The following DEPDC7 variants were observed in gnomAD, a reference collection of about 807,000 sequenced individuals.
DEPDC7 encodes DEP domain containing 7, also known as DEP domain-containing protein 7.
In DEPDC7, 41 loss-of-function variants were observed where a neutral mutation model predicts 56.6. The observed-to-expected ratio is 0.72, with a 90% CI of 0.56 to 0.94. DEPDC7 has a LOEUF of 0.94. Among genes scored for constraint, DEPDC7 ranks in the 40% least tolerant of loss-of-function variants. The pLI is 0.00. For missense variants in DEPDC7, 522 were observed against 596.3 expected, an observed-to-expected ratio of 0.88 and a Z score of 1.30; for synonymous variants, 185 against 208.8, an observed-to-expected ratio of 0.89 and a Z score of 0.98.
Position 33,033,372 on chromosome 11 carries a change from C to CT in DEPDC7, c.1456dup (p.Ser486PhefsTer14). ...AAAAACTCTTGATGAGGATTCAAAA[C>CT]TTTCTGCCAAAGAGAAGAAAAAATT... On this transcript the variant is annotated frameshift_variant, in exon 9 of 9. Transcript: ENST00000241051. LOFTEE classifies it high-confidence loss of function. 6.2e-7 allele frequency: 1 copy of CT among 1,611,634 alleles called. No individual in the cohort carries two copies.
intron 1 of DEPDC7, chr11:33,016,503 A>G: frequency 1.2e-6 from 2 of 1,613,542 alleles, no homozygotes; most frequent in Non-Finnish European, 1.7e-6. Flanking sequence ...CTAGGAGTCA[A>G]GAGTCAGCTT....
At chr11:33,029,489 CAAAAA>C (rs10610753) in intron 4 of DEPDC7, among the ~76,000 whole-genome samples, 3 of 93,226 alleles carry the variant, frequency 3.2e-5, no homozygotes, top group Non-Finnish European at 4.3e-5. Context: ...GAGAATGTCT[CAAAAA>C]AAAAAAAAAA....
chr11:33,033,179 AAAGAC>A, intron 8 of DEPDC7, 78 bp from the exon 9 acceptor site: 1 of 1,152,338 alleles, frequency 8.7e-7, no homozygotes, highest in East Asian at 2.5e-5. Flanking sequence ...AGAAAAACAT[AAAGAC>A]AAGAATATTG....
intron 1 of DEPDC7, among the ~76,000 whole-genome samples, chr11:33,023,041 C>T (rs569190018): frequency 2.6e-5 from 4 of 151,920 alleles, no homozygotes; most frequent in South Asian, 2.1e-4. Flanking sequence ...CTGGCTAACA[C>T]GATGAAACCC....
intron 1 of DEPDC7, chr11:33,016,705 C>T: frequency 1.1e-6 from 1 of 896,614 alleles, no homozygotes; most frequent in South Asian, 1.5e-5. Flanking sequence ...CTAATCGTGT[C>T]TTTTGGGGGC....
chr11:33,025,216 C>T lies in DEPDC7; in HGVS notation c.74-443C>T, dbSNP rs183404785. ...ACACTCCCACCTCAGGGCATTTGCTCTTTCCCCAGATGTCTGCACAGCTTG... is the reference window on the plus strand; with the variant it reads ...ACACTCCCACCTCAGGGCATTTGCTTTTTCCCCAGATGTCTGCACAGCTTG... On this transcript the variant is annotated intron_variant, in intron 1 of 8. Transcript: ENST00000241051. Among the ~76,000 whole-genome samples the T allele has an allele frequency of 2.0e-4, 30 of 152,288 alleles. No individual in the cohort carries two copies. The East Asian group carries it at 3.3e-3, about 17-fold the overall frequency.
intron 1 of DEPDC7, among the ~76,000 whole-genome samples, chr11:33,021,893 ATTCTT>A (rs974054313): frequency 4.6e-5 from 7 of 152,164 alleles, no homozygotes; most frequent in African/African-American, 1.4e-4. Flanking sequence ...GGGGAAATTT[ATTCTT>A]TACCTCTTAA....
chr11:33,022,540 A>G (rs377307852), intron 1 of DEPDC7, among the ~76,000 whole-genome samples: 3 of 152,360 alleles, frequency 2.0e-5, no homozygotes, highest in South Asian at 4.1e-4. Flanking sequence ...AGAGCCTGTC[A>G]TAGTGTAAAT....
chr11:33,017,839 A>G (rs1853480176), intron 1 of DEPDC7, among the ~76,000 whole-genome samples: 1 of 152,246 alleles, frequency 6.6e-6, no homozygotes, highest in Non-Finnish European at 1.5e-5. Context: ...GCCAGTCTTC[A>G]GCCAGTATGT....
In DEPDC7 at chr11:33,016,137, C is replaced by T. The variant is rs534644555; in HGVS notation, c.73+109C>T. On this transcript the variant is annotated intron_variant, in intron 1 of 8. Transcript: ENST00000241051. ...GGGGCGTTCGGCCGCCTGCGCCTGT[C>T]AACGGCCGGCTGGGCGAGCACAGCA... The T allele has an allele frequency of 1.5e-5, 19 of 1,236,504 alleles. No individual in the cohort carries two copies. In the East Asian group the frequency reaches 5.1e-4, roughly 33 times the overall value. The allele number at this position is 1,236,504 out of a possible 1,614,324, so 76.6% of individuals were successfully genotyped here. A position where few individuals can be genotyped will look rare whatever the true frequency, so the allele number is the denominator to read the frequency against.
chr11:33,032,035 G>A (rs1853638496), intron 5 of DEPDC7, among the ~76,000 whole-genome samples: 1 of 152,036 alleles, frequency 6.6e-6, no homozygotes, highest in Admixed American at 6.6e-5. Context: ...TTGTACACAT[G>A]GTATACTCCC....
chr11:33,020,859 G>C (rs980252633), intron 1 of DEPDC7, among the ~76,000 whole-genome samples: 2 of 152,206 alleles, frequency 1.3e-5, no homozygotes, highest in African/African-American at 2.4e-5. Context: ...TTTATCAGTA[G>C]ATAAAGAAAC....
chr11:33,015,926 G>A lies in DEPDC7; in HGVS notation c.-30G>A, dbSNP rs1205155403. On this transcript the variant is annotated 5_prime_UTR_variant, in exon 1 of 9. Coordinates refer to ENST00000241051, the MANE Select transcript of DEPDC7 (RefSeq NM_001077242.2). ...GGAGCTAGGGAGCTGTGAAGCTGCT[G>A]GAGGAGTTGGCGTCCGGGGAGCAAG... The A allele has an allele frequency of 6.4e-7, 1 of 1,557,850 alleles. No homozygotes were observed. Among genetic ancestry groups the A allele is most frequent in the African/African-American group, 1.4e-5 (1 of 72,762 alleles).
chr11:33,027,810 C>A lies in DEPDC7; in HGVS notation c.589C>A (p.Gln197Lys). ...AAATATCTCTGCAACCTTGTCTCCA[C>A]AAGGTAAGCTAAGGATGAAGCAAAG... ...HVNISATLSP[Q>K]VINEVWQEET... is the part of the protein sequence containing the mutation. Residue 197 changes from glutamine to lysine, a missense_variant, in exon 3 of 9, where the codon CAA becomes AAA. Transcript: ENST00000241051. 6.5e-7 allele frequency: 1 copy of A among 1,550,146 alleles called. No individual in the cohort carries two copies. The highest frequency in any genetic ancestry group is 8.7e-7 in the Non-Finnish European group (1 of 1,155,704).
rs201199439 is a variant in DEPDC7, at chr11:33,028,773, A to T, written c.763A>T (p.Lys255Ter). ...TAACTATCTGGATCGAGGGATTCTC[A>T]AGGCTTATAGTGACTCTCAGTATGT... ...SSNYLDRGIL[K>*]AYSDSQEDEW... The change falls in exon 4 of 9, where the codon AAG (lysine) becomes TAG (stop). Residue 255 changes from lysine to a stop codon, truncating the protein, a stop_gained. Coordinates refer to ENST00000241051, the MANE Select transcript of DEPDC7 (RefSeq NM_001077242.2). LOFTEE classifies it high-confidence loss of function. 59 of 1,611,244 alleles carry T rather than the reference A, an allele frequency of 3.7e-5. No individual in the cohort carries two copies. Among genetic ancestry groups the T allele is most frequent in the Non-Finnish European group, 4.9e-5 (58 of 1,179,236 alleles).
At position 33,025,696 on chromosome 11, in the gene DEPDC7, T is replaced by C; in HGVS notation, c.111T>C (p.Tyr37=). The part of the protein sequence containing the change: ...SVAQKPFGAT[Y]VWSSIINTLQ... ...CTCAGAAGCCATTTGGAGCCACGTA[T>C]GTATGGAGCAGCATCATAAACACTC... Residue 37 remains tyrosine (Y), a synonymous_variant, in exon 2 of 9, where the codon TAT becomes TAC. Transcript: ENST00000241051. 1.2e-6 allele frequency: 2 copies of C among 1,612,210 alleles called. No individual in the cohort carries two copies. The highest frequency in any genetic ancestry group is 1.7e-6 in the Non-Finnish European group (2 of 1,178,286).
In DEPDC7 at chr11:33,025,749, G is replaced by A. The variant is rs746938818; in HGVS notation, c.164G>A (p.Arg55Gln). The A allele has an allele frequency of 8.7e-6, 14 of 1,614,194 alleles. No individual in the cohort carries two copies. The highest frequency in any genetic ancestry group is 1.2e-5 in the Non-Finnish European group (14 of 1,180,034). The stretch of plus-strand genomic sequence containing the variant: ...CAAACACAAGTGGAAGTGAAAAAAC[G>A]AAGGCACCGTTTAAAACGACATAAT... ...TLQTQVEVKK[R>Q]RHRLKRHNDC... Residue 55 changes from arginine (R) to glutamine (Q), a missense_variant, in exon 2 of 9, where the codon CGA becomes CAA. Physicochemically the swap from Arg to Gln is conservative, Grantham distance 43 (BLOSUM62 1). Transcript: ENST00000241051.
intron 1 of DEPDC7, chr11:33,016,611 G>A (rs1454092674): frequency 1.9e-6 from 3 of 1,611,188 alleles, no homozygotes; most frequent in Non-Finnish European, 2.5e-6. Context: ...TTATGTATAA[G>A]CAGTATTTTA....
Position 33,032,401 on chromosome 11 carries a change from A to G in DEPDC7, c.1060A>G (p.Asn354Asp). The change falls in exon 6 of 9, where the codon AAT becomes GAT. Residue 354 changes from asparagine (N) to aspartate (D), a missense_variant. Transcript: ENST00000241051. ...QLLLKLLDFQNREEFRRLLYF... is the reference protein window; with the variant it reads ...QLLLKLLDFQDREEFRRLLYF... ...CCTTCTAAAGCTTTTAGATTTCCAA[A>G]ATAGAGAAGAATTTAGAAGACTACT... The G allele has an allele frequency of 6.3e-7, 1 of 1,580,636 alleles. No individual in the cohort carries two copies. The highest frequency in any genetic ancestry group is 8.5e-7 in the Non-Finnish European group (1 of 1,171,630).
Sources: gnomAD v4.1 joint callset for allele counts (sites outside exome capture counted in the v4.1 genomes callset) on GRCh38, gnomAD v4.1.1 for gene constraint, MANE v1.5 for transcripts, NCBI Gene and HGNC (gene_info 2026-07-23, HGNC 2026-07-21) for gene names.